GRM5: variants seen among roughly 807,000 people sequenced by gnomAD.
GRM5 encodes the protein glutamate metabotropic receptor 5, also known as metabotropic glutamate receptor 5.
GRM5 carries 19 observed loss-of-function variants against 83.1 expected under a neutral mutation model. The ratio of observed to expected loss-of-function variants is 0.23; its 90% confidence interval spans 0.16 to 0.34. The LOEUF (loss-of-function observed/expected upper bound fraction) is 0.34, where lower values mean the gene tolerates loss of function less well. Among genes scored for constraint, GRM5 ranks in the 10% least tolerant of loss-of-function variants. The pLI, the probability that GRM5 is intolerant of heterozygous loss-of-function variation, is 1.00. For missense variants in GRM5, 1,160 were observed against 1,588.3 expected (o/e 0.73, Z 4.58); for synonymous variants, 675 against 633.6 (o/e 1.07, Z -0.98).
At chr11:89,023,849 CTAAATAAATAAATAAATAAA>C (rs71946693) in intron 2 of GRM5, among the ~76,000 whole-genome samples, 17 of 134,536 alleles carry the variant, frequency 1.3e-4, no homozygotes, top group South Asian at 5.1e-4. Flanking sequence ...GACTTCATCT[CTAAATAAATAAATAAATAAA>C]TAAATAAATA....
chr11:88,664,108 G>C (rs990607155), intron 3 of GRM5, among the ~76,000 whole-genome samples: 7 of 152,054 alleles, frequency 4.6e-5, no homozygotes, highest in African/African-American at 1.4e-4. Flanking sequence ...GAGGAATAAA[G>C]AGAAGAAAAA....
At chr11:88,670,248 A>G (rs1488013743) in intron 3 of GRM5, among the ~76,000 whole-genome samples, 1 of 152,064 alleles carries the variant, frequency 6.6e-6, no homozygotes, top group Non-Finnish European at 1.5e-5. Flanking sequence ...TCAAAATTCA[A>G]GATAGATTGT....
At chr11:88,930,182 A>G (rs1464961976) in intron 2 of GRM5, among the ~76,000 whole-genome samples, 1 of 152,036 alleles carries the variant, frequency 6.6e-6, no homozygotes, top group Non-Finnish European at 1.5e-5. Context: ...GCGGAAGAGA[A>G]AGGATTGCTT....
intron 2 of GRM5, among the ~76,000 whole-genome samples, chr11:89,015,979 T>C (rs1196047129): frequency 6.6e-6 from 1 of 152,026 alleles, no homozygotes; most frequent in Non-Finnish European, 1.5e-5. Flanking sequence ...CTAAAAGTGA[T>C]CAAATGTGGT....
intron 2 of GRM5, among the ~76,000 whole-genome samples, chr11:89,022,455 A>G (rs1941008523): frequency 6.6e-6 from 1 of 150,642 alleles, no homozygotes; most frequent in Non-Finnish European, 1.5e-5. Flanking sequence ...AGCCTGGCCA[A>G]TATGGTGAAA....
chr11:88,667,325 T>C (rs781371056), intron 3 of GRM5, among the ~76,000 whole-genome samples: 5 of 152,084 alleles, frequency 3.3e-5, no homozygotes, highest in Non-Finnish European at 5.9e-5. Flanking sequence ...GAAATCATAT[T>C]TGAAGAGATA....
chr11:88,806,383 T>G (rs1182745307), intron 3 of GRM5, among the ~76,000 whole-genome samples: 2 of 152,204 alleles, frequency 1.3e-5, no homozygotes, highest in Non-Finnish European at 2.9e-5. Flanking sequence ...TTAAATCCTC[T>G]GGAAGAAATA....
intron 3 of GRM5, among the ~76,000 whole-genome samples, chr11:88,735,085 G>T (rs547320411): frequency 6.6e-6 from 1 of 152,088 alleles, no homozygotes; most frequent in African/African-American, 2.4e-5. Flanking sequence ...AGCTAGTCCT[G>T]CTTTTCTAAC....
At chr11:88,601,724 T>C (rs966774085) in intron 5 of GRM5, among the ~76,000 whole-genome samples, 2 of 152,278 alleles carry the variant, frequency 1.3e-5, no homozygotes, top group Admixed American at 6.5e-5. Flanking sequence ...CTGCCTATTA[T>C]GGTCAATTCC....
At chr11:88,840,710 C>A (rs887116484) in intron 3 of GRM5, among the ~76,000 whole-genome samples, 2 of 152,170 alleles carry the variant, frequency 1.3e-5, no homozygotes, top group African/African-American at 2.4e-5. Flanking sequence ...AGTTGATGAT[C>A]CTTTCCATAG....
chr11:88,565,077 C>T lies in GRM5; in HGVS notation c.2630+1976G>A, dbSNP rs534211373. 2.0e-5 allele frequency among the ~76,000 whole-genome samples: 3 copies of T among 151,136 alleles called. No individual in the cohort carries two copies. The East Asian group carries it at 5.8e-4, about 29-fold the overall frequency. ...GACACTATACACATGTTAACTTATT[C>T]AGTCATCACAACCAGTCTATGAAGT... is the stretch of plus-strand genomic sequence containing the variant. On this transcript the variant is annotated intron_variant, in intron 8 of 9. Transcript: ENST00000305447.
At chr11:88,533,591 G>T (rs1942066406) in intron 8 of GRM5, among the ~76,000 whole-genome samples, 1 of 152,090 alleles carries the variant, frequency 6.6e-6, no homozygotes, top group South Asian at 2.1e-4. Context: ...GAAGGCATGG[G>T]TTCTGAACCG....
chr11:88,760,543 G>A (rs1942490876), intron 3 of GRM5, among the ~76,000 whole-genome samples: 1 of 151,986 alleles, frequency 6.6e-6, no homozygotes, highest in Non-Finnish European at 1.5e-5. Context: ...CCAATAACAA[G>A]CTCTGAAATT....
chr11:88,607,618 C>G (rs1377800666), intron 4 of GRM5, among the ~76,000 whole-genome samples: 1 of 152,204 alleles, frequency 6.6e-6, no homozygotes, highest in Non-Finnish European at 1.5e-5. Context: ...CAATGGCCTT[C>G]AAAGACATAC....
At chr11:88,767,740 T>C (rs985431332) in intron 3 of GRM5, among the ~76,000 whole-genome samples, 5 of 151,812 alleles carry the variant, frequency 3.3e-5, no homozygotes, top group African/African-American at 1.2e-4. Flanking sequence ...GCTTATTACC[T>C]GAGTGGCAAA....
At chr11:88,931,014 T>A (rs1226331265) in intron 2 of GRM5, among the ~76,000 whole-genome samples, 1 of 152,160 alleles carries the variant, frequency 6.6e-6, no homozygotes, top group Non-Finnish European at 1.5e-5. Flanking sequence ...ATACAAAGCA[T>A]GCTTTATACA....
At chr11:88,955,577 CT>C (rs1938584323) in intron 2 of GRM5, among the ~76,000 whole-genome samples, 1 of 152,138 alleles carries the variant, frequency 6.6e-6, no homozygotes, top group Non-Finnish European at 1.5e-5. Flanking sequence ...GCTTAAAATG[CT>C]TTTTTTCTAT....
intron 2 of GRM5, among the ~76,000 whole-genome samples, chr11:88,851,278 G>A (rs1944386346): frequency 6.6e-6 from 1 of 152,056 alleles, no homozygotes; most frequent in African/African-American, 2.4e-5. Context: ...ATATATAAGG[G>A]GGATTGCTTT....
At chr11:88,876,788 T>G (rs1323809782) in intron 2 of GRM5, among the ~76,000 whole-genome samples, 1 of 152,014 alleles carries the variant, frequency 6.6e-6, no homozygotes, top group Non-Finnish European at 1.5e-5. Flanking sequence ...AAACGTTTAT[T>G]GATTAAGTTC....
Sources: gnomAD v4.1 joint callset for allele counts (sites outside exome capture counted in the v4.1 genomes callset) on GRCh38, gnomAD v4.1.1 for gene constraint, MANE v1.5 for transcripts, NCBI Gene and HGNC (gene_info 2026-07-23, HGNC 2026-07-21) for gene names.